The following UGP2 variants were observed in gnomAD, a reference collection of about 807,000 sequenced individuals.
UGP2 encodes the protein UTP--glucose-1-phosphate uridylyltransferase.
A neutral mutation model predicts 49.0 loss-of-function variants in UGP2; 40 were observed. The ratio of observed to expected loss-of-function variants is 0.82; its 90% CI spans 0.63 to 1.06. The LOEUF (loss-of-function observed/expected upper bound fraction) is 1.06, where lower values mean the gene tolerates loss of function less well. Ranked by LOEUF, UGP2 falls within the 50% of genes least tolerant of loss-of-function variation. The pLI is 0.00. For missense variants in UGP2, 460 were observed against 603.5 expected, an observed-to-expected ratio of 0.76 and a Z score of 2.49; for synonymous variants, 225 against 213.0, an observed-to-expected ratio of 1.06 and a Z score of -0.49.
intron 3 of UGP2, among the ~76,000 whole-genome samples, chr2:63,879,750 TTTTA>T (rs143400124): frequency 0.15 from 23,131 of 152,184 alleles, 2,270 homozygotes; most frequent in Middle Eastern, 0.25. Flanking sequence ...TTTTATAAAC[TTTTA>T]TGTATGCGAT....
chr2:63,841,048 C>G (rs1353171273), upstream of UGP2: 2 of 152,618 alleles, frequency 1.3e-5, no homozygotes, highest in Non-Finnish European at 2.9e-5. Context: ...CGGGAGCCGG[C>G]TGACGGGTGG....
At chr2:63,854,968 G>A (rs1669292951) in intron 1 of UGP2, 1 of 152,452 alleles carries the variant, frequency 6.6e-6, no homozygotes, top group Admixed American at 6.6e-5. Flanking sequence ...TCTTAGCTTG[G>A]GTTGATAGGA....
At position 63,844,486 on chromosome 2, in the gene UGP2, A is replaced by AT. The variant is rs560638355; in HGVS notation, c.19+2288dup. 8.6e-4 allele frequency among the ~76,000 whole-genome samples: 130 copies of AT among 152,008 alleles called. 1 individual carries two copies. The highest frequency in any genetic ancestry group is 6.8e-3 in the Middle Eastern group (2 of 294). On this transcript the variant is annotated intron_variant, in intron 1 of 9. Coordinates refer to ENST00000337130, the MANE Select transcript of UGP2 (RefSeq NM_006759.4). ...GCTTTATAAGAGTCCTGAGATGTAGATTTTTTATCCTGCCCTTACAGGTGA... is the reference window on the plus strand; with the variant it reads ...GCTTTATAAGAGTCCTGAGATGTAGATTTTTTTATCCTGCCCTTACAGGTGA...
chr2:63,876,898 TCA>T (rs770164921), intron 3 of UGP2, among the ~76,000 whole-genome samples: 7 of 152,270 alleles, frequency 4.6e-5, no homozygotes, highest in Non-Finnish European at 1.0e-4. Context: ...AAATTCAAAC[TCA>T]GTTTCTTAAG....
Position 63,886,410 on chromosome 2 carries a change from G to A in UGP2, c.943G>A (p.Val315Ile). The A allele has an allele frequency of 6.2e-7, 1 of 1,614,186 alleles. No individual in the cohort carries two copies. Among genetic ancestry groups the A allele is most frequent in the Non-Finnish European group, 8.5e-7 (1 of 1,180,034 alleles). ...AATTGCTCAAGTGCCAAAAGCACAT[G>A]TAGACGAGTTCAAGTCTGTATCAAA... ...VEIAQVPKAH[V>I]DEFKSVSKFK... Residue 315 changes from valine to isoleucine, a missense_variant, in exon 7 of 10, where the codon GTA becomes ATA. Physicochemically the swap from Val to Ile is conservative, Grantham distance 29. Around this residue, in one of 2 missense-constraint regions of UGP2, gnomAD observed 317 missense variants for 473.0 expected, o/e 0.67. Transcript: ENST00000337130.
At chr2:63,880,985 C>G (rs141027840) in intron 3 of UGP2, among the ~76,000 whole-genome samples, 2 of 152,234 alleles carry the variant, frequency 1.3e-5, no homozygotes, top group Admixed American at 1.3e-4. Flanking sequence ...GCAGCACTTA[C>G]CAGGAAGATT....
chr2:63,888,956 C>T (rs1424283377), intron 8 of UGP2: 1 of 152,190 alleles, frequency 6.6e-6, no homozygotes, highest in Non-Finnish European at 1.5e-5. Flanking sequence ...GCTCTGCCAT[C>T]CAAGTCTGTT....
intron 1 of UGP2, among the ~76,000 whole-genome samples, chr2:63,853,275 A>G (rs1451274421): frequency 6.6e-6 from 1 of 152,200 alleles, no homozygotes; most frequent in African/African-American, 2.4e-5. Context: ...GAAGCTGGTT[A>G]GCTTGAATTG....
At chr2:63,870,494 A>G (rs996103279) in intron 3 of UGP2, among the ~76,000 whole-genome samples, 1 of 152,170 alleles carries the variant, frequency 6.6e-6, no homozygotes, top group Admixed American at 6.5e-5. Flanking sequence ...GTTTTCTTTC[A>G]TCAAACTTGT....
In UGP2 at chr2:63,857,864, A is replaced by G. The variant is rs1669553293; in HGVS notation, c.183A>G (p.Leu61=). ...TKKDLDGFRK[L]FHRFLQEKGP... is the part of the protein sequence containing the mutation. Reference sequence around the variant, plus strand: ...AAGACCTGGATGGATTTCGGAAGCTATTTCATAGATTTTTGCAAGAAAAGG... The same window carrying G: ...AAGACCTGGATGGATTTCGGAAGCTGTTTCATAGATTTTTGCAAGAAAAGG... The change falls in exon 3 of 10, where the codon CTA becomes CTG. Residue 61 remains leucine, a synonymous_variant. Coordinates refer to ENST00000337130, the MANE Select transcript of UGP2 (RefSeq NM_006759.4). The G allele has an allele frequency of 6.2e-7, 1 of 1,614,082 alleles. No homozygotes were observed. Among genetic ancestry groups the G allele is most frequent in the Non-Finnish European group, 8.5e-7 (1 of 1,179,960 alleles).
intron 3 of UGP2, among the ~76,000 whole-genome samples, chr2:63,865,474 G>T (rs977887583): frequency 6.6e-6 from 1 of 151,846 alleles, no homozygotes; most frequent in African/African-American, 2.4e-5. Flanking sequence ...TCACTAACAG[G>T]CTTCTACCTA....
At chr2:63,853,668 G>A (rs1042161831) in intron 1 of UGP2, among the ~76,000 whole-genome samples, 1 of 152,146 alleles carries the variant, frequency 6.6e-6, no homozygotes, top group Non-Finnish European at 1.5e-5. Flanking sequence ...CAGTGTCAGG[G>A]TGTCAGGGAA....
chr2:63,857,633 G>A (rs942696931), intron 2 of UGP2, 196 bp from the exon 3 acceptor site: 2 of 622,566 alleles, frequency 3.2e-6, no homozygotes, highest in Non-Finnish European at 5.9e-6. Flanking sequence ...CCAAAGTGCT[G>A]GGATTACAGG....
intron 7 of UGP2, 55 bp downstream of exon 7, chr2:63,886,593 TACACACAG>T: frequency 6.3e-7 from 1 of 1,593,090 alleles, no homozygotes. Context: ...CATAGTAGGC[TACACACAG>T]ACCCCATCGC....
intron 3 of UGP2, among the ~76,000 whole-genome samples, chr2:63,858,150 C>T (rs1278664861): frequency 3.9e-5 from 6 of 152,194 alleles, no homozygotes; most frequent in African/African-American, 1.4e-4. Context: ...GGTCCTCTAA[C>T]AGTCTGATCT....
At chr2:63,858,072 C>T in intron 3 of UGP2, 136 bp downstream of exon 3, 1 of 752,350 alleles carries the variant, frequency 1.3e-6, no homozygotes, top group East Asian at 2.7e-5. Context: ...TCTCTGACCC[C>T]TCATCCTGAA....
intron 3 of UGP2, among the ~76,000 whole-genome samples, chr2:63,865,912 C>T (rs996068507): frequency 1.3e-5 from 2 of 152,058 alleles, no homozygotes; most frequent in African/African-American, 4.8e-5. Context: ...TGTGCTTGTT[C>T]TCAAATGTGT....
Position 63,855,351 on chromosome 2 carries a change from AT to A in UGP2, c.20-954del, listed in dbSNP as rs1669318010. The A allele has an allele frequency of 9.5e-6, 4 of 419,242 alleles. No homozygotes were observed. The East Asian group carries it at 2.8e-4, about 29-fold the overall frequency. The allele number at this position is 419,242 out of a possible 1,614,324, so 26.0% of individuals were successfully genotyped here. On this transcript the variant is annotated intron_variant, in intron 1 of 9. Coordinates refer to ENST00000337130, the MANE Select transcript of UGP2 (RefSeq NM_006759.4). ...GAAACTTTACAAATACATTTTTAAA[AT>A]AAGATTGAATCAAATACTAAGGATA...
intron 4 of UGP2, chr2:63,883,353 ATAGT>A (rs147218948): frequency 0.15 from 23,175 of 152,178 alleles, 2,280 homozygotes; most frequent in Middle Eastern, 0.25. Context: ...GGTTCCCAAG[ATAGT>A]TAGTAAGTGC....
Sources: allele counts gnomAD v4.1 joint callset (sites outside exome capture counted in the v4.1 genomes callset), GRCh38; gene constraint gnomAD v4.1.1; regional missense constraint gnomAD v4.1.1; transcripts MANE v1.5; gene names NCBI Gene and HGNC (gene_info 2026-07-23, HGNC 2026-07-21).